Variants in ANK3 observed in about 807,000 individuals in gnomAD.
ANK3 encodes ankyrin-3.
Under a neutral mutation model 370.9 loss-of-function variants are expected in ANK3, and 57 were observed. The observed-to-expected ratio is 0.15, with a 90% CI of 0.12 to 0.19. ANK3 has a LOEUF of 0.19. Ranked by LOEUF, ANK3 falls within the 10% of genes least tolerant of loss-of-function variation. The pLI, the probability that ANK3 is intolerant of heterozygous loss-of-function variation, is 1.00. For synonymous variants in ANK3, 1,929 were observed against 1,946.3 expected, an observed-to-expected ratio of 0.99 and a Z score of 0.23; for missense variants, 4,439 against 5,302.1, an observed-to-expected ratio of 0.84 and a Z score of 5.06.
intron 21 of ANK3, among the ~76,000 whole-genome samples, chr10:60,169,348 T>C (rs2083851024): frequency 7.1e-6 from 1 of 141,492 alleles, no homozygotes; most frequent in Non-Finnish European, 1.5e-5. Context: ...GTCCATCAAC[T>C]GGGGCTTGTC....
intron 2 of ANK3, among the ~76,000 whole-genome samples, chr10:60,440,120 C>G (rs751586399): frequency 6.6e-6 from 1 of 152,010 alleles, no homozygotes; most frequent in Non-Finnish European, 1.5e-5. Flanking sequence ...TGCAAAAAAT[C>G]AGAGTAAGAG....
Position 60,134,354 on chromosome 10 carries a change from C to T in ANK3, c.2758G>A (p.Asp920Asn), listed in dbSNP as rs1378776980. ...CTTCTGTTCAAGGTGTAAGACCTAT[C>T]CGAACTGAAGGAGCGGAGGCTGTTG... Reference protein sequence around the residue: ...RSASLRSFSSDRSYTLNRSSY... With the variant: ...RSASLRSFSSNRSYTLNRSSY... Residue 920 changes from aspartate (D) to asparagine (N), a missense_variant, in exon 25 of 44, where the codon GAT (aspartate) becomes AAT (asparagine). Physicochemically the swap from Asp to Asn is conservative, Grantham distance 23 (BLOSUM62 1). Transcript: ENST00000280772. The T allele has an allele frequency of 6.2e-7, 1 of 1,613,362 alleles. No homozygotes were observed. The highest frequency in any genetic ancestry group is 8.5e-7 in the Non-Finnish European group (1 of 1,179,776).
At chr10:60,038,886 T>C (rs948420084) in intron 43 of ANK3, among the ~76,000 whole-genome samples, 1 of 152,236 alleles carries the variant, frequency 6.6e-6, no homozygotes, top group Middle Eastern at 3.2e-3. Context: ...TTGTACCCTT[T>C]GCTTGGGGTC....
At chr10:60,256,991 T>A (rs2097749094) in intron 7 of ANK3, among the ~76,000 whole-genome samples, 2 of 152,216 alleles carry the variant, frequency 1.3e-5, no homozygotes, top group South Asian at 4.1e-4. Flanking sequence ...TATTCAGTAA[T>A]GGGATTGCTG....
intron 1 of ANK3, among the ~76,000 whole-genome samples, chr10:60,709,416 C>T (rs1319709327): frequency 6.6e-6 from 1 of 152,126 alleles, no homozygotes; most frequent in Non-Finnish European, 1.5e-5. Context: ...TTGTGCAAAA[C>T]TTTGATTCCC....
chr10:60,597,295 A>T (rs906227221), intron 2 of ANK3, among the ~76,000 whole-genome samples: 1 of 152,202 alleles, frequency 6.6e-6, no homozygotes, highest in Admixed American at 6.5e-5. Flanking sequence ...TAGGAATTAC[A>T]AATGAGATGG....
intron 1 of ANK3, among the ~76,000 whole-genome samples, chr10:60,676,741 C>A (rs1363477479): frequency 2.0e-5 from 3 of 152,096 alleles, no homozygotes; most frequent in African/African-American, 7.2e-5. Flanking sequence ...CTTATTCATT[C>A]AAAAGCATGG....
chr10:60,084,521 G>A, intron 32 of ANK3, 81 bp downstream of exon 32: 1 of 1,069,176 alleles, frequency 9.4e-7, no homozygotes, highest in Non-Finnish European at 1.4e-6. Context: ...GTATTTTATA[G>A]TGAGTGCTAT....
At chr10:60,552,421 TACA>T (rs949494726) in intron 2 of ANK3, among the ~76,000 whole-genome samples, 16 of 152,200 alleles carry the variant, frequency 1.1e-4, no homozygotes, top group African/African-American at 3.9e-4. Context: ...ATACTTTTAT[TACA>T]ACAATAAATA....
intron 2 of ANK3, among the ~76,000 whole-genome samples, chr10:60,494,510 T>C (rs1243128735): frequency 6.6e-6 from 1 of 152,160 alleles, no homozygotes; most frequent in Non-Finnish European, 1.5e-5. Context: ...TGATTAAGAA[T>C]AATAAAAATC....
chr10:60,326,389 A>G (rs1216730387), intron 1 of ANK3, among the ~76,000 whole-genome samples: 1 of 152,192 alleles, frequency 6.6e-6, no homozygotes, highest in African/African-American at 2.4e-5. Flanking sequence ...TCAAGGGGGA[A>G]GTTCTGATGA....
At position 60,134,276 on chromosome 10, in the gene ANK3, C is replaced by G. The variant is rs2094230190; in HGVS notation, c.2836G>C (p.Glu946Gln). Reference sequence around the variant, plus strand: ...ATTTTGAAAAGAATGCATACCTGCTCTTTGGATGGCACAAGGAGTTCTTCA... The same window carrying G: ...ATTTTGAAAAGAATGCATACCTGCTGTTTGGATGGCACAAGGAGTTCTTCA... ...MIEELLVPSK[E>Q]QHLTFTREFD... Residue 946 changes from glutamate (E) to glutamine (Q), a missense_variant, in exon 25 of 44, where the codon GAG (glutamate) becomes CAG (glutamine). This residue lies in a region of ANK3 where 702 missense variants were observed against 941.5 expected (regional missense o/e 0.75). Transcript: ENST00000280772. 1 of 1,613,520 alleles carries G rather than the reference C, an allele frequency of 6.2e-7. No individual in the cohort carries two copies. Among genetic ancestry groups the G allele is most frequent in the East Asian group, 2.2e-5 (1 of 44,830 alleles).
At chr10:60,321,392 G>GAA (rs757284147) in intron 1 of ANK3, among the ~76,000 whole-genome samples, 34 of 59,114 alleles carry the variant, frequency 5.8e-4, no homozygotes, top group South Asian at 1.3e-3. Flanking sequence ...AAAAAGAAAA[G>GAA]AGAAGAGAAG....
chr10:60,090,002 A>G (rs1237652945), intron 28 of ANK3, among the ~76,000 whole-genome samples: 4 of 152,160 alleles, frequency 2.6e-5, no homozygotes, highest in African/African-American at 9.7e-5. Flanking sequence ...AAAAAATTAC[A>G]TTTGCTTAGG....
Position 60,585,659 on chromosome 10 carries a change from C to A in ANK3, c.96+29527G>T, listed in dbSNP as rs147957657. On this transcript the variant is annotated intron_variant, in intron 2 of 43. Coordinates refer to the ANK3 transcript ENST00000373827. Reference sequence around the variant, plus strand: ...AGGTTTGTAGTTATACCTTGACAGACCTTTGAGTGAGGTTATTGGCAAATG... The same window carrying A: ...AGGTTTGTAGTTATACCTTGACAGAACTTTGAGTGAGGTTATTGGCAAATG... 6.2e-4 allele frequency among the ~76,000 whole-genome samples: 95 copies of A among 152,204 alleles called. 2 individuals carry two copies. The highest frequency in any genetic ancestry group is 2.5e-3 in the South Asian group (12 of 4,824).
chr10:60,110,377 G>A (rs10761454), intron 26 of ANK3, among the ~76,000 whole-genome samples: 102,867 of 151,984 alleles, frequency 0.68, 35,383 homozygotes, highest in East Asian at 0.92. Flanking sequence ...AGGTGGACTC[G>A]TCTTCATACC....
chr10:60,699,449 A>G (rs528826051), intron 1 of ANK3, among the ~76,000 whole-genome samples: 5 of 152,230 alleles, frequency 3.3e-5, no homozygotes, highest in East Asian at 1.9e-4. Flanking sequence ...AAAACATACA[A>G]TGATCAAATC....
At position 60,357,276 on chromosome 10, in the gene ANK3, G is replaced by A. The variant is rs115245482; in HGVS notation, c.114+32149C>T. Among the ~76,000 whole-genome samples, 344 of 152,220 alleles carry A rather than the reference G, an allele frequency of 2.3e-3. 1 individual carries two copies. The highest frequency in any genetic ancestry group is 7.6e-3 in the African/African-American group (315 of 41,518). On this transcript the variant is annotated intron_variant, in intron 1 of 43. Coordinates refer to ENST00000280772, the MANE Select transcript of ANK3 (RefSeq NM_020987.5). ...GCTAAATTTAATCACCAACAGCTGC[G>A]TCACCTCCAAAGTAACTATTGTGGG...
At chr10:60,511,853 A>G (rs536391324) in intron 2 of ANK3, among the ~76,000 whole-genome samples, 4 of 151,438 alleles carry the variant, frequency 2.6e-5, no homozygotes, top group African/African-American at 7.3e-5. Flanking sequence ...ATATTTTCCT[A>G]TCTAAAGAGA....
Sources: gnomAD v4.1 joint callset for allele counts (sites outside exome capture counted in the v4.1 genomes callset) on GRCh38, gnomAD v4.1.1 for gene constraint, gnomAD v4.1.1 regional missense constraint, MANE v1.5 for transcripts, NCBI Gene and HGNC (gene_info 2026-07-23, HGNC 2026-07-21) for gene names.